VPS13A: variants seen among roughly 807,000 people sequenced by gnomAD.
The protein encoded by VPS13A is vacuolar protein sorting 13 homolog A.
Under a neutral mutation model 390.9 loss-of-function variants are expected in VPS13A, and 264 were observed. The observed-to-expected ratio is 0.68, with a 90% CI of 0.61 to 0.75. VPS13A has a LOEUF of 0.75. Among genes scored for constraint, VPS13A ranks in the 30% least tolerant of loss-of-function variants. VPS13A has a pLI of 0.00. For missense variants in VPS13A, 3,409 were observed against 3,733.9 expected (o/e 0.91, Z 2.27); for synonymous variants, 1,231 against 1,227.1 (o/e 1.00, Z -0.07).
intron 13 of VPS13A, among the ~76,000 whole-genome samples, chr9:77,222,896 C>T (rs2094337072): frequency 6.6e-6 from 1 of 152,210 alleles, no homozygotes; most frequent in Non-Finnish European, 1.5e-5. Context: ...CTAGTCTACT[C>T]TTGTGCCAAT....
chr9:77,399,188 AAAAAAAAAAAAAAAAAAC>A (rs1834260010), intron 68 of VPS13A, among the ~76,000 whole-genome samples: 1 of 137,540 alleles, frequency 7.3e-6, no homozygotes, highest in East Asian at 2.2e-4. Context: ...AAATAAAAAA[AAAAAAAAAAAAAAAAAAC>A]AAAGGATACG....
intron 53 of VPS13A, 124 bp from the exon 54 acceptor site, chr9:77,353,285 C>A: frequency 2.9e-6 from 2 of 701,590 alleles, no homozygotes; most frequent in Non-Finnish European, 4.9e-6. Context: ...TTAGTTGCCA[C>A]TAACCCCATG....
chr9:77,319,607 G>T lies in VPS13A; in HGVS notation c.5349G>T (p.Glu1783Asp), dbSNP rs775476552. ...ATAATGAAATGTTTGGTGTATGGGA[G>T]CCTTTGCTTGAACCCTTAGAAATTG... is the stretch of plus-strand genomic sequence containing the variant. ...HYYNEMFGVWEPLLEPLEIDQ... is the reference protein window; with the variant it reads ...HYYNEMFGVWDPLLEPLEIDQ... Residue 1783 changes from glutamate to aspartate, a missense_variant, in exon 42 of 72, where the codon GAG becomes GAT. By Grantham distance (45) the Glu-to-Asp change is conservative. Coordinates refer to ENST00000360280, the MANE Select transcript of VPS13A (RefSeq NM_033305.3). 13 of 1,611,896 alleles carry T rather than the reference G, an allele frequency of 8.1e-6. No homozygotes were observed. The highest frequency in any genetic ancestry group is 1.0e-5 in the Non-Finnish European group (12 of 1,178,580).
chr9:77,246,557 C>T (rs1453880080), intron 19 of VPS13A, among the ~76,000 whole-genome samples: 2 of 152,032 alleles, frequency 1.3e-5, no homozygotes, highest in African/African-American at 2.4e-5. Flanking sequence ...TTCATTTACT[C>T]TAACTGATTT....
At position 77,247,495 on chromosome 9, in the gene VPS13A, T is replaced by C. The variant is rs895901029; in HGVS notation, c.2037+100T>C. The C allele has an allele frequency of 1.9e-5, 25 of 1,287,532 alleles. No homozygotes were observed. In the African/African-American group the frequency reaches 2.1e-4, roughly 11 times the overall value. The allele number at this position is 1,287,532 out of a possible 1,614,324, so 79.8% of individuals were successfully genotyped here. A position where few individuals can be genotyped will look rare whatever the true frequency, so the allele number is the denominator to read the frequency against. ...AAACAGTTTGATTTATTGCTTTTTT[T>C]CCTAGATTTGTGGTAGATAAGTAAG... On this transcript the variant is annotated intron_variant, in intron 20 of 71. Transcript: ENST00000360280.
intron 23 of VPS13A, among the ~76,000 whole-genome samples, chr9:77,268,980 C>G (rs1826201403): frequency 6.6e-6 from 1 of 151,534 alleles, no homozygotes; most frequent in Admixed American, 6.6e-5. Context: ...TCCCATTACT[C>G]CTGAATACTT....
chr9:77,352,765 A>G (rs1357957833), intron 53 of VPS13A, among the ~76,000 whole-genome samples: 1 of 152,122 alleles, frequency 6.6e-6, no homozygotes, highest in Non-Finnish European at 1.5e-5. Context: ...AACAACTCAC[A>G]GTTTTTAATT....
At chr9:77,398,119 G>C (rs1241132007) in intron 68 of VPS13A, among the ~76,000 whole-genome samples, 2 of 152,116 alleles carry the variant, frequency 1.3e-5, no homozygotes, top group Non-Finnish European at 2.9e-5. Flanking sequence ...GCATCTGTTT[G>C]GGATGGAGGA....
chr9:77,178,811 AGT>A (rs1564609936), intron 1 of VPS13A, among the ~76,000 whole-genome samples: 1 of 152,162 alleles, frequency 6.6e-6, no homozygotes, highest in African/African-American at 2.4e-5. Context: ...TTGTGTGTGA[AGT>A]GTGTGTGTTT....
At chr9:77,350,042 A>G (rs1446811875) in intron 52 of VPS13A, among the ~76,000 whole-genome samples, 1 of 152,158 alleles carries the variant, frequency 6.6e-6, no homozygotes, top group African/African-American at 2.4e-5. Context: ...ATTGTCTTCT[A>G]ATGATTTTTT....
At chr9:77,344,721 T>G (rs1376682672) in intron 51 of VPS13A, among the ~76,000 whole-genome samples, 1 of 150,726 alleles carries the variant, frequency 6.6e-6, no homozygotes, top group Admixed American at 6.6e-5. Flanking sequence ...ATCGCGCCAC[T>G]GCACTCCAGC....
In VPS13A at chr9:77,405,998, T is replaced by A; in HGVS notation, c.9399+11T>A. 1 of 1,613,300 alleles carries A rather than the reference T, an allele frequency of 6.2e-7. No individual in the cohort carries two copies. ...CGCATTGAAGCAAAGGTATGTTGAA[T>A]AGATTTATTTTTTGAAAACTTGGAA... On this transcript the variant is annotated intron_variant, in intron 70 of 71. Coordinates refer to ENST00000360280, the MANE Select transcript of VPS13A (RefSeq NM_033305.3).
At chr9:77,399,566 C>G (rs1037587441) in intron 68 of VPS13A, among the ~76,000 whole-genome samples, 12 of 152,256 alleles carry the variant, frequency 7.9e-5, no homozygotes, top group African/African-American at 2.9e-4. Flanking sequence ...TATGTAGGCT[C>G]TTGAATTCTA....
intron 68 of VPS13A, among the ~76,000 whole-genome samples, chr9:77,398,435 A>G (rs1449388699): frequency 6.6e-6 from 1 of 152,210 alleles, no homozygotes; most frequent in Non-Finnish European, 1.5e-5. Flanking sequence ...AAGATTCATT[A>G]GACACTTACT....
intron 45 of VPS13A, among the ~76,000 whole-genome samples, chr9:77,331,368 A>G (rs954754817): frequency 2.0e-4 from 30 of 152,114 alleles, no homozygotes; most frequent in African/African-American, 7.0e-4. Context: ...CATCATTTTC[A>G]ACTGTTGATA....
At chr9:77,367,981 A>T in intron 61 of VPS13A, 74 bp from the exon 62 acceptor site, 1 of 1,302,962 alleles carries the variant, frequency 7.7e-7, no homozygotes, top group Non-Finnish European at 1.1e-6. Context: ...TAAAGAAAAT[A>T]AAGCCACTCA....
At chr9:77,379,990 T>C (rs1200805404) in intron 67 of VPS13A, among the ~76,000 whole-genome samples, 1 of 152,164 alleles carries the variant, frequency 6.6e-6, no homozygotes, top group Non-Finnish European at 1.5e-5. Flanking sequence ...TTTTGTCTTT[T>C]AAATTCTTAG....
intron 33 of VPS13A, among the ~76,000 whole-genome samples, chr9:77,299,554 C>T (rs1361880930): frequency 6.6e-6 from 1 of 152,134 alleles, no homozygotes; most frequent in East Asian, 1.9e-4. Flanking sequence ...TACCATTTGA[C>T]CCAGCCATCC....
intron 17 of VPS13A, among the ~76,000 whole-genome samples, chr9:77,237,512 A>G (rs1824220512): frequency 6.6e-6 from 1 of 151,818 alleles, no homozygotes; most frequent in Admixed American, 6.6e-5. Context: ...CTACAGGCTC[A>G]TGCCCCCACA....
Sources: gnomAD v4.1 joint callset for allele counts (sites outside exome capture counted in the v4.1 genomes callset) on GRCh38, gnomAD v4.1.1 for gene constraint, MANE v1.5 for transcripts, NCBI Gene and HGNC (gene_info 2026-07-23, HGNC 2026-07-21) for gene names.